CRTC3: variants seen among roughly 807,000 people sequenced by gnomAD.
CRTC3 encodes CREB regulated transcription coactivator 3, also known as CREB-regulated transcription coactivator 3.
CRTC3 carries 26 observed loss-of-function variants against 74.5 expected under a neutral mutation model. The observed-to-expected ratio is 0.35, with a 90% confidence interval of 0.26 to 0.48. CRTC3 has a LOEUF of 0.48. Among genes scored for constraint, CRTC3 ranks in the 20% least tolerant of loss-of-function variants. The pLI is 0.99. For missense variants in CRTC3, 760 were observed against 787.3 expected, an observed-to-expected ratio of 0.97 and a Z score of 0.41; for synonymous variants, 377 against 325.8, an observed-to-expected ratio of 1.16 and a Z score of -1.69.
chr15:90,551,133 C>T (rs1275797038), intron 2 of CRTC3, among the ~76,000 whole-genome samples: 2 of 152,072 alleles, frequency 1.3e-5, no homozygotes, highest in Admixed American at 1.3e-4. Flanking sequence ...AGGTAAATCA[C>T]AGAATTCTCT....
chr15:90,579,197 T>C (rs1967477917), intron 2 of CRTC3, among the ~76,000 whole-genome samples: 1 of 152,228 alleles, frequency 6.6e-6, no homozygotes, highest in African/African-American at 2.4e-5. Flanking sequence ...TGATTTATAG[T>C]ATATGGAAGG....
chr15:90,634,591 C>T lies in CRTC3; in HGVS notation c.1267-3855C>T. The T allele has an allele frequency of 1.6e-5, 7 of 436,700 alleles. No homozygotes were observed. The South Asian group carries it at 2.1e-4, about 13-fold the overall frequency. 27.1% of individuals were successfully genotyped at this position (436,700 alleles called of 1,614,324 possible). ...TGTGTGTGTCTGCTCTGGCCTCTGA[C>T]TTTCACGGCAGATGGTTTCCTCAGG... On this transcript the variant is annotated intron_variant, in intron 11 of 14. Coordinates refer to ENST00000268184, the MANE Select transcript of CRTC3 (RefSeq NM_022769.5).
Position 90,633,771 on chromosome 15 carries a change from C to T in CRTC3, c.1266+4239C>T, listed in dbSNP as rs1025488704. Among the ~76,000 whole-genome samples the T allele has an allele frequency of 2.0e-5, 3 of 151,892 alleles. No individual in the cohort carries two copies. In the South Asian group the frequency reaches 6.3e-4, roughly 32 times the overall value. On this transcript the variant is annotated intron_variant, in intron 11 of 14. Coordinates refer to ENST00000268184, the MANE Select transcript of CRTC3 (RefSeq NM_022769.5). ...TTTTCCTCTATTATCCTTATCTTCTCTCTCTCCTCTTTTGCTTCTCTGTGG... is the reference window on the plus strand; with the variant it reads ...TTTTCCTCTATTATCCTTATCTTCTTTCTCTCCTCTTTTGCTTCTCTGTGG...
chr15:90,558,336 C>A (rs1966938119), intron 2 of CRTC3, among the ~76,000 whole-genome samples: 1 of 152,136 alleles, frequency 6.6e-6, no homozygotes, highest in South Asian at 2.1e-4. Flanking sequence ...CCTGACTGAT[C>A]CTTTTAAAAT....
At chr15:90,609,535 A>G (rs1199208445) in intron 6 of CRTC3, among the ~76,000 whole-genome samples, 1 of 152,220 alleles carries the variant, frequency 6.6e-6, no homozygotes, top group Non-Finnish European at 1.5e-5. Flanking sequence ...TCCTTCATTT[A>G]CATTACCCTC....
chr15:90,572,051 A>G (rs978281338), intron 2 of CRTC3, among the ~76,000 whole-genome samples: 6 of 151,754 alleles, frequency 4.0e-5, no homozygotes, highest in African/African-American at 1.5e-4. Context: ...AATCCCAGCT[A>G]CTTGGGAGGC....
Position 90,604,372 on chromosome 15 carries a change from CTGG to C in CRTC3, c.414-11_414-9del. ...TGACTTCTTTTCCTTTTATGTTGTT[CTGG>C]TTTTTAAAGGCAGCAGCCTCCTTGG... On this transcript the variant is annotated splice_polypyrimidine_tract_variant and intron_variant, in intron 4 of 14. Coordinates refer to ENST00000268184, the MANE Select transcript of CRTC3 (RefSeq NM_022769.5). The C allele has an allele frequency of 6.2e-7, 1 of 1,611,832 alleles. No individual in the cohort carries two copies. The highest frequency in any genetic ancestry group is 1.1e-5 in the South Asian group (1 of 91,016).
chr15:90,558,861 C>T (rs992058085), intron 2 of CRTC3, among the ~76,000 whole-genome samples: 3 of 151,950 alleles, frequency 2.0e-5, no homozygotes, highest in African/African-American at 7.3e-5. Context: ...AAGCCATTCT[C>T]CTGCCTCAGC....
intron 2 of CRTC3, among the ~76,000 whole-genome samples, chr15:90,565,745 G>A (rs1023825125): frequency 2.0e-5 from 3 of 151,982 alleles, no homozygotes; most frequent in African/African-American, 7.3e-5. Flanking sequence ...TAATTGTTTT[G>A]GGGTCCCGTG....
intron 9 of CRTC3, among the ~76,000 whole-genome samples, chr15:90,622,495 A>G (rs1337479464): frequency 2.0e-5 from 3 of 152,062 alleles, no homozygotes; most frequent in Non-Finnish European, 4.4e-5. Flanking sequence ...TGAGGTCTCA[A>G]TTTTATTTTT....
At chr15:90,558,994 C>T (rs1042505863) in intron 2 of CRTC3, among the ~76,000 whole-genome samples, 4 of 152,166 alleles carry the variant, frequency 2.6e-5, no homozygotes, top group African/African-American at 4.8e-5. Context: ...TCAAGTGATC[C>T]GCCCGCCTTG....
intron 9 of CRTC3, among the ~76,000 whole-genome samples, chr15:90,622,200 G>T (rs978130059): frequency 6.6e-6 from 1 of 152,162 alleles, no homozygotes; most frequent in Admixed American, 6.5e-5. Flanking sequence ...TCGTTAGAGG[G>T]TCTTGAACCG....
intron 1 of CRTC3, among the ~76,000 whole-genome samples, chr15:90,534,160 G>C (rs138015331): frequency 6.6e-6 from 1 of 152,178 alleles, no homozygotes; most frequent in Non-Finnish European, 1.5e-5. Context: ...GATGGTGGCA[G>C]TCGGGAGGCA....
chr15:90,591,855 T>G (rs1967809084), intron 2 of CRTC3, among the ~76,000 whole-genome samples: 1 of 152,254 alleles, frequency 6.6e-6, no homozygotes, highest in Non-Finnish European at 1.5e-5. Flanking sequence ...GATGTCAGTT[T>G]GTCCCATTAT....
chr15:90,618,039 G>A, intron 8 of CRTC3, 71 bp downstream of exon 8: 1 of 1,017,226 alleles, frequency 9.8e-7, no homozygotes, highest in African/African-American at 1.6e-5. Flanking sequence ...GAAAAATCCT[G>A]CAGAGGTGAA....
intron 11 of CRTC3, among the ~76,000 whole-genome samples, chr15:90,632,665 T>G (rs1969082573): frequency 6.6e-6 from 1 of 152,112 alleles, no homozygotes; most frequent in Non-Finnish European, 1.5e-5. Flanking sequence ...GGTGTAGTGG[T>G]GCGATCTCAA....
At chr15:90,620,739 G>A (rs79591186) in intron 9 of CRTC3, among the ~76,000 whole-genome samples, 3,140 of 152,228 alleles carry the variant, frequency 0.021, 114 homozygotes, top group African/African-American at 0.071. Flanking sequence ...GAAACAGCAA[G>A]GCTGCAGGGC....
rs574814264 is a variant in CRTC3, at chr15:90,545,802, T to C, written c.231+5665T>C. 4.3e-4 allele frequency among the ~76,000 whole-genome samples: 66 copies of C among 152,218 alleles called. 1 individual carries two copies. The highest frequency in any genetic ancestry group is 1.5e-3 in the African/African-American group (62 of 41,554). On this transcript the variant is annotated intron_variant, in intron 2 of 14. Transcript: ENST00000268184. ...ACTGTGTTAGCCAGGATGGTCTCCA[T>C]CTCCTGACTTTGTGATCCGCCCGCC... is the stretch of plus-strand genomic sequence containing the variant.
chr15:90,556,751 G>A (rs1398556733), intron 2 of CRTC3, among the ~76,000 whole-genome samples: 8 of 151,946 alleles, frequency 5.3e-5, no homozygotes, highest in South Asian at 4.1e-4. Context: ...ATCTACAGCC[G>A]TCAGAGAAAT....
Sources: gnomAD v4.1 joint callset for allele counts (sites outside exome capture counted in the v4.1 genomes callset) on GRCh38, gnomAD v4.1.1 for gene constraint, MANE v1.5 for transcripts, NCBI Gene and HGNC (gene_info 2026-07-23, HGNC 2026-07-21) for gene names.